Variants in SNX24 observed in about 807,000 individuals in gnomAD.
The protein encoded by SNX24 is sorting nexin-24.
A neutral mutation model predicts 28.7 loss-of-function variants in SNX24; 22 were observed. The observed-to-expected ratio is 0.77, with a 90% CI of 0.55 to 1.10. SNX24 has a LOEUF of 1.10. Ranked by LOEUF, SNX24 falls within the 50% of genes least tolerant of loss-of-function variation. The pLI, the probability that SNX24 is intolerant of heterozygous loss-of-function variation, is 0.00. For missense variants in SNX24, 221 were observed against 201.1 expected, an observed-to-expected ratio of 1.10 and a Z score of -0.60; for synonymous variants, 69 against 71.5, an observed-to-expected ratio of 0.96 and a Z score of 0.18.
At chr5:122,919,546 A>G (rs975256357) in intron 1 of SNX24, among the ~76,000 whole-genome samples, 3 of 152,076 alleles carry the variant, frequency 2.0e-5, no homozygotes, top group African/African-American at 7.2e-5. Context: ...TTTTGACTTC[A>G]TGGTCAGAAA....
intron 1 of SNX24, among the ~76,000 whole-genome samples, chr5:122,854,956 T>A (rs1755115637): frequency 6.6e-6 from 1 of 152,256 alleles, no homozygotes; most frequent in African/African-American, 2.4e-5. Context: ...CTAAAAACTC[T>A]AATGATCATC....
rs1762372710 is a variant in SNX24 at position 123,004,909 on chromosome 5, C to T, written c.443-2773C>T. 1.3e-5 allele frequency among the ~76,000 whole-genome samples: 2 copies of T among 152,154 alleles called. 1 individual carries two copies. Among genetic ancestry groups the T allele is most frequent in the South Asian group, 4.1e-4 (2 of 4,826 alleles). ...ACATGTTCATTAAATAAGCAAAAAC[C>T]AACAAAAATAACAGCAAAACCTGCC... On this transcript the variant is annotated intron_variant, in intron 6 of 6. Transcript: ENST00000261369.
chr5:122,897,776 T>C (rs1160346674), intron 1 of SNX24, among the ~76,000 whole-genome samples: 1 of 152,218 alleles, frequency 6.6e-6, no homozygotes, highest in Non-Finnish European at 1.5e-5. Context: ...AGAAACTGTT[T>C]CCTATCTTGT....
At chr5:123,028,495 T>A (rs1762895747) in intron 5 of SNX24, 1 of 320,820 alleles carries the variant, frequency 3.1e-6, no homozygotes, top group Non-Finnish European at 5.6e-6. Context: ...GTATGGCTAC[T>A]GACTAGTAGT....
At chr5:123,003,035 C>T (rs1298229674) in intron 6 of SNX24, among the ~76,000 whole-genome samples, 1 of 152,174 alleles carries the variant, frequency 6.6e-6, no homozygotes, top group Non-Finnish European at 1.5e-5. Context: ...TATAGTGAAT[C>T]TTGTTTCTGG....
chr5:122,856,662 C>A lies in SNX24; in HGVS notation c.60+10969C>A, dbSNP rs185728466. On this transcript the variant is annotated intron_variant, in intron 1 of 6. Transcript: ENST00000261369. ...TCCCTAGTAGCTGGGATTACAGGTG[C>A]CCGCCAACATGCCTGGCTAATTTTT... Among the ~76,000 whole-genome samples the A allele has an allele frequency of 2.7e-4, 41 of 151,804 alleles. No individual in the cohort carries two copies. In the East Asian group the frequency reaches 7.6e-3, roughly 28 times the overall value.
At chr5:123,003,319 T>A (rs768291850) in intron 6 of SNX24, among the ~76,000 whole-genome samples, 70 of 152,176 alleles carry the variant, frequency 4.6e-4, no homozygotes, top group Non-Finnish European at 4.1e-4. Context: ...TCCTATAAGA[T>A]CCTCGCAGTG....
chr5:122,938,258 C>T (rs1759267720), intron 2 of SNX24, among the ~76,000 whole-genome samples: 1 of 152,108 alleles, frequency 6.6e-6, no homozygotes, highest in Non-Finnish European at 1.5e-5. Context: ...TTTTCTTCTG[C>T]AGAGGAGGAC....
In SNX24 at chr5:122,946,103, A is replaced by G; in HGVS notation, c.193A>G (p.Asn65Asp). ...TPEIPSKHVR[N>D]WVPKVLEQRR... Reference sequence around the variant, plus strand: ...AGAAATCCCTTCTAAACATGTTAGGAACTGGGTCCCCAAAGTCTTGGAACA... The same window carrying G: ...AGAAATCCCTTCTAAACATGTTAGGGACTGGGTCCCCAAAGTCTTGGAACA... Residue 65 changes from asparagine (N) to aspartate (D), a missense_variant, in exon 3 of 7, where the codon AAC becomes GAC. Transcript: ENST00000261369. 1 of 1,611,998 alleles carries G rather than the reference A, an allele frequency of 6.2e-7. No homozygotes were observed. The highest frequency in any genetic ancestry group is 8.5e-7 in the Non-Finnish European group (1 of 1,178,580).
At chr5:122,991,993 A>T (rs1761871939) in intron 3 of SNX24, among the ~76,000 whole-genome samples, 1 of 152,214 alleles carries the variant, frequency 6.6e-6, no homozygotes, top group Non-Finnish European at 1.5e-5. Flanking sequence ...AAGATAAAAT[A>T]TTCCAATAAA....
intron 1 of SNX24, among the ~76,000 whole-genome samples, chr5:122,930,268 C>T (rs896617336): frequency 6.6e-6 from 1 of 152,166 alleles, no homozygotes; most frequent in Non-Finnish European, 1.5e-5. Flanking sequence ...ATTGGCAGTT[C>T]TACACCTTCA....
chr5:122,954,366 C>G (rs1760112106), intron 3 of SNX24, among the ~76,000 whole-genome samples: 1 of 151,980 alleles, frequency 6.6e-6, no homozygotes, highest in Non-Finnish European at 1.5e-5. Flanking sequence ...CTTGGCCACT[C>G]AATCTATAAG....
Position 122,991,683 on chromosome 5 carries a change from A to T in SNX24, c.250-8229A>T, listed in dbSNP as rs564094037. On this transcript the variant is annotated intron_variant, in intron 3 of 6. Transcript: ENST00000261369. Reference sequence around the variant, plus strand: ...TCCATGTTGGCCAGGCTGGTCCAGAACTCCTGCCCTCAAGTGATCCACCCG... The same window carrying T: ...TCCATGTTGGCCAGGCTGGTCCAGATCTCCTGCCCTCAAGTGATCCACCCG... Among the ~76,000 whole-genome samples, 9 of 151,498 alleles carry T rather than the reference A, an allele frequency of 5.9e-5. No individual in the cohort carries two copies. The East Asian group carries it at 1.8e-3, about 30-fold the overall frequency.
At chr5:122,981,232 G>A (rs374233653) in intron 3 of SNX24, among the ~76,000 whole-genome samples, 13 of 152,214 alleles carry the variant, frequency 8.5e-5, no homozygotes, top group African/African-American at 3.1e-4. Flanking sequence ...TGCTTAATTA[G>A]CTTTTCATCA....
At chr5:123,010,918 TA>T (rs764753268), downstream of SNX24, among the ~76,000 whole-genome samples, 83 of 147,260 alleles carry the variant, frequency 5.6e-4, no homozygotes, top group Middle Eastern at 3.5e-3. Context: ...ATTCTCTTTT[TA>T]AAAAAAAAAA....
intron 1 of SNX24, among the ~76,000 whole-genome samples, chr5:122,911,538 T>C (rs1757889166): frequency 1.3e-5 from 2 of 148,670 alleles, no homozygotes; most frequent in Non-Finnish European, 1.5e-5. Context: ...ACATGAAGTC[T>C]TTGCCCATGC....
chr5:122,850,444 ACAGT>A (rs1561500770), intron 1 of SNX24, among the ~76,000 whole-genome samples: 2 of 152,196 alleles, frequency 1.3e-5, no homozygotes, highest in Non-Finnish European at 2.9e-5. Flanking sequence ...TTTGGGGGAG[ACAGT>A]CAGACTGTAG....
intron 1 of SNX24, among the ~76,000 whole-genome samples, chr5:122,853,373 C>T (rs540342589): frequency 1.5e-4 from 23 of 152,128 alleles, no homozygotes; most frequent in Non-Finnish European, 2.2e-4. Context: ...GTGATCCACC[C>T]GCCTCGGCCT....
chr5:122,971,776 C>T (rs149998947), intron 3 of SNX24, among the ~76,000 whole-genome samples: 1 of 152,332 alleles, frequency 6.6e-6, no homozygotes, highest in East Asian at 1.9e-4. Flanking sequence ...CTCATTCATG[C>T]AACTGGTCAT....
Sources: gnomAD v4.1 joint callset for allele counts (sites outside exome capture counted in the v4.1 genomes callset) on GRCh38, gnomAD v4.1.1 for gene constraint, MANE v1.5 for transcripts, NCBI Gene and HGNC (gene_info 2026-07-23, HGNC 2026-07-21) for gene names.